The following ATXN7L1 variants were observed in gnomAD, a reference collection of about 807,000 sequenced individuals.
ATXN7L1 encodes ataxin-7-like protein 1.
Under a neutral mutation model 70.8 loss-of-function variants are expected in ATXN7L1, and 15 were observed. The ratio of observed to expected loss-of-function variants is 0.21; its 90% CI spans 0.14 to 0.33. ATXN7L1 has a LOEUF of 0.33. ATXN7L1 is among the 10% of genes least tolerant of loss of function. The pLI is 1.00. For missense variants in ATXN7L1, 975 were observed against 1,097.1 expected, an observed-to-expected ratio of 0.89 and a Z score of 1.57; for synonymous variants, 440 against 445.1, an observed-to-expected ratio of 0.99 and a Z score of 0.14.
At chr7:105,692,589 G>A (rs577114653) in intron 3 of ATXN7L1, among the ~76,000 whole-genome samples, 10 of 152,046 alleles carry the variant, frequency 6.6e-5, no homozygotes, top group Admixed American at 2.0e-4. Flanking sequence ...TGGGATTACA[G>A]GCATGCACCA....
chr7:105,624,332 C>T (rs1034188936), intron 7 of ATXN7L1, 65 bp from the exon 8 acceptor site: 1 of 1,301,124 alleles, frequency 7.7e-7, no homozygotes, highest in Non-Finnish European at 9.9e-7. Context: ...TAACAAGATC[C>T]ACCCAGTTTA....
At chr7:105,768,032 A>G (rs1428556084) in intron 3 of ATXN7L1, among the ~76,000 whole-genome samples, 3 of 152,164 alleles carry the variant, frequency 2.0e-5, no homozygotes, top group Admixed American at 6.5e-5. Flanking sequence ...CGTGATGCCC[A>G]AGGACGCTTC....
chr7:105,744,082 C>T (rs1798305720), intron 3 of ATXN7L1, among the ~76,000 whole-genome samples: 1 of 152,110 alleles, frequency 6.6e-6, no homozygotes, highest in Non-Finnish European at 1.5e-5. Flanking sequence ...GCTCCTTGTG[C>T]CTCAGTTTTC....
At chr7:105,645,749 C>T (rs2115946288) in intron 4 of ATXN7L1, among the ~76,000 whole-genome samples, 1 of 150,912 alleles carries the variant, frequency 6.6e-6, no homozygotes, top group East Asian at 1.9e-4. Flanking sequence ...GGAGGCAGAG[C>T]TTACAGTGAG....
rs984512522 is a variant in ATXN7L1, at chr7:105,769,297, A to C, written c.355+19307T>G. Among the ~76,000 whole-genome samples, 5 of 152,210 alleles carry C rather than the reference A, an allele frequency of 3.3e-5. No homozygotes were observed. In the South Asian group the frequency reaches 1.0e-3, roughly 32 times the overall value. On this transcript the variant is annotated intron_variant, in intron 3 of 11. Transcript: ENST00000419735. ...GAATCATCTTCCAGAGACATTGCTG[A>C]GAAGTGGCTTCTGGAAGCGTGACCA...
intron 3 of ATXN7L1, among the ~76,000 whole-genome samples, chr7:105,724,824 TCC>T (rs1554441760): frequency 2.7e-4 from 40 of 150,402 alleles, no homozygotes; most frequent in East Asian, 1.2e-3. Flanking sequence ...TTCTCTTTTT[TCC>T]CTCTGTTTTT....
chr7:105,716,862 A>G (rs529154342), intron 3 of ATXN7L1, among the ~76,000 whole-genome samples: 2 of 152,240 alleles, frequency 1.3e-5, no homozygotes, highest in East Asian at 3.9e-4. Flanking sequence ...CTTGGATAAC[A>G]AATCAAGAAT....
At chr7:105,659,678 C>T (rs1274273109) in intron 4 of ATXN7L1, among the ~76,000 whole-genome samples, 2 of 152,010 alleles carry the variant, frequency 1.3e-5, no homozygotes, top group Non-Finnish European at 2.9e-5. Context: ...CCCTCAGACT[C>T]CTCTTTCCCT....
At chr7:105,694,606 G>A (rs1031810862) in intron 3 of ATXN7L1, among the ~76,000 whole-genome samples, 1 of 152,190 alleles carries the variant, frequency 6.6e-6, no homozygotes, top group African/African-American at 2.4e-5. Context: ...CCTCATGGCC[G>A]ATAATGTACG....
rs962899286 is a variant in ATXN7L1 at position 105,724,552 on chromosome 7, C to T, written c.356-59264G>A. Among the ~76,000 whole-genome samples the T allele has an allele frequency of 8.8e-5, 11 of 124,612 alleles. No homozygotes were observed. In the East Asian group the frequency reaches 1.2e-3, roughly 14 times the overall value. 81.8% of individuals were successfully genotyped at this position (124,612 alleles called of 152,430 possible). ...TCACGCCATTGCACTCCAGCCTGGA[C>T]GACAGAGCAAGACTCTGTCTCAAAA... On this transcript the variant is annotated intron_variant, in intron 3 of 11. Coordinates refer to ENST00000419735, the MANE Select transcript of ATXN7L1 (RefSeq NM_020725.2).
chr7:105,863,124 C>G (rs562408718), intron 2 of ATXN7L1, among the ~76,000 whole-genome samples: 1 of 152,322 alleles, frequency 6.6e-6, no homozygotes, highest in Non-Finnish European at 1.5e-5. Context: ...GAACAGCGGC[C>G]TAGAAGATGT....
At chr7:105,787,691 T>C (rs1486683255) in intron 3 of ATXN7L1, among the ~76,000 whole-genome samples, 1 of 152,162 alleles carries the variant, frequency 6.6e-6, no homozygotes, top group Non-Finnish European at 1.5e-5. Context: ...TGTGCGTAAT[T>C]TGCAAAAGCA....
intron 3 of ATXN7L1, among the ~76,000 whole-genome samples, chr7:105,679,892 GTTAA>G (rs1315328677): frequency 6.6e-6 from 1 of 151,686 alleles, no homozygotes; most frequent in Non-Finnish European, 1.5e-5. Context: ...TTTTAAAATG[GTTAA>G]TTTTCTGTGA....
At chr7:105,702,686 A>G (rs1279214476) in intron 3 of ATXN7L1, among the ~76,000 whole-genome samples, 1 of 152,196 alleles carries the variant, frequency 6.6e-6, no homozygotes, top group Non-Finnish European at 1.5e-5. Context: ...TAAGTAAATA[A>G]AAAGTACTTG....
rs1385732209 is a variant in ATXN7L1, at chr7:105,679,702, C to A, written c.356-14414G>T. Among the ~76,000 whole-genome samples the A allele has an allele frequency of 2.0e-5, 3 of 152,020 alleles. 1 individual carries two copies. Among genetic ancestry groups the A allele is most frequent in the South Asian group, 4.1e-4 (2 of 4,828 alleles). On this transcript the variant is annotated intron_variant, in intron 3 of 11. Coordinates refer to ENST00000419735, the MANE Select transcript of ATXN7L1 (RefSeq NM_020725.2). ...CCAAAACAATGGTTCACAAAGGCCACACGTTATATGAAATGTCCAGAATAG... is the reference window on the plus strand; with the variant it reads ...CCAAAACAATGGTTCACAAAGGCCAAACGTTATATGAAATGTCCAGAATAG...
chr7:105,694,483 G>A (rs994415814), intron 3 of ATXN7L1, among the ~76,000 whole-genome samples: 1 of 152,132 alleles, frequency 6.6e-6, no homozygotes, highest in Non-Finnish European at 1.5e-5. Context: ...AGGTGGGAAG[G>A]GCGGCTATTA....
intron 3 of ATXN7L1, among the ~76,000 whole-genome samples, chr7:105,710,468 C>T (rs547926921): frequency 9.4e-5 from 13 of 138,366 alleles, no homozygotes; most frequent in Non-Finnish European, 1.8e-4. Context: ...AGTGCAGTGG[C>T]GTGATCTCAG....
At chr7:105,684,262 T>A (rs1194892346) in intron 3 of ATXN7L1, among the ~76,000 whole-genome samples, 1 of 152,226 alleles carries the variant, frequency 6.6e-6, no homozygotes, top group Non-Finnish European at 1.5e-5. Context: ...TGGAACATCT[T>A]GCCAAATGTT....
At chr7:105,870,394 A>G (rs1818080401) in intron 2 of ATXN7L1, among the ~76,000 whole-genome samples, 3 of 152,144 alleles carry the variant, frequency 2.0e-5, no homozygotes, top group African/African-American at 7.2e-5. Flanking sequence ...TCTGCTACGT[A>G]TCTTTTCTTT....
Sources: allele counts gnomAD v4.1 joint callset (sites outside exome capture counted in the v4.1 genomes callset), GRCh38; gene constraint gnomAD v4.1.1; transcripts MANE v1.5; gene names NCBI Gene and HGNC (gene_info 2026-07-23, HGNC 2026-07-21).